KIF16B: variants seen among roughly 807,000 people sequenced by gnomAD.
KIF16B encodes kinesin-like protein KIF16B.
Under a neutral mutation model 156.3 loss-of-function variants are expected in KIF16B, and 98 were observed. The ratio of observed to expected loss-of-function variants is 0.63; its 90% CI spans 0.53 to 0.74. The LOEUF (loss-of-function observed/expected upper bound fraction) is 0.74. KIF16B is among the 30% of genes least tolerant of loss of function. The pLI is 0.00. For synonymous variants in KIF16B, 564 were observed against 583.7 expected (o/e 0.97, Z 0.49); for missense variants, 1,421 against 1,606.5 (o/e 0.88, Z 1.97).
chr20:16,559,494 A>C (rs1207324238), intron 1 of KIF16B, among the ~76,000 whole-genome samples: 2 of 152,184 alleles, frequency 1.3e-5, no homozygotes, highest in Non-Finnish European at 2.9e-5. Context: ...AACAACAACA[A>C]AGACTGTTTA....
intron 15 of KIF16B, among the ~76,000 whole-genome samples, chr20:16,425,090 T>A (rs960041981): frequency 1.3e-5 from 2 of 152,138 alleles, no homozygotes; most frequent in African/African-American, 4.8e-5. Flanking sequence ...GACACTCCAG[T>A]AGCAATGAAC....
chr20:16,301,587 C>G (rs147226806), intron 25 of KIF16B, among the ~76,000 whole-genome samples: 2 of 152,086 alleles, frequency 1.3e-5, no homozygotes, highest in Admixed American at 1.3e-4. Context: ...TGTTATTGAG[C>G]CTCTTTTCAT....
chr20:16,469,143 T>C (rs1243672419), intron 12 of KIF16B, among the ~76,000 whole-genome samples: 2 of 151,402 alleles, frequency 1.3e-5, no homozygotes, highest in Non-Finnish European at 2.9e-5. Context: ...TACCAGCTAC[T>C]TGGGAAGCTG....
chr20:16,374,280 GT>G lies in KIF16B; in HGVS notation c.3326del (p.His1109ProfsTer28). On this transcript the variant is annotated frameshift_variant, in exon 20 of 26. Coordinates refer to ENST00000354981, the MANE Select transcript of KIF16B (RefSeq NM_024704.5). LOFTEE classifies it high-confidence loss of function. ...ACCTGGCATCCATGAGGGGAACCAG[GT>G]GTGATTTTTCAGCACTGACTGGCAA... is the stretch of plus-strand genomic sequence containing the variant. ...SSLPVSAEKS[H>X]LVPLMDARIN... is the part of the protein sequence containing the mutation. The G allele has an allele frequency of 1.1e-5, 17 of 1,596,826 alleles. No individual in the cohort carries two copies. Among genetic ancestry groups the G allele is most frequent in the Non-Finnish European group, 1.4e-5 (16 of 1,169,906 alleles).
At chr20:16,308,358 T>G (rs1340061887) in intron 25 of KIF16B, among the ~76,000 whole-genome samples, 12 of 152,252 alleles carry the variant, frequency 7.9e-5, no homozygotes, top group African/African-American at 2.9e-4. Context: ...ATAACTGGAA[T>G]GGCATTTAAG....
intron 1 of KIF16B, among the ~76,000 whole-genome samples, chr20:16,531,724 A>T (rs898775610): frequency 6.6e-6 from 1 of 152,230 alleles, no homozygotes; most frequent in Non-Finnish European, 1.5e-5. Flanking sequence ...CAAAGAATAT[A>T]ACGATGAAAG....
chr20:16,504,125 A>C (rs1395955333), intron 10 of KIF16B, among the ~76,000 whole-genome samples: 2 of 152,212 alleles, frequency 1.3e-5, no homozygotes, highest in Non-Finnish European at 2.9e-5. Context: ...TCCATTCATA[A>C]TTGATAACTA....
At chr20:16,556,533 A>C (rs2070855761) in intron 1 of KIF16B, among the ~76,000 whole-genome samples, 1 of 152,196 alleles carries the variant, frequency 6.6e-6, no homozygotes, top group East Asian at 1.9e-4. Context: ...TCTGTTCTCC[A>C]TTAGCAGCAC....
intron 17 of KIF16B, among the ~76,000 whole-genome samples, chr20:16,389,287 G>C (rs2065305599): frequency 1.3e-5 from 2 of 152,132 alleles, no homozygotes; most frequent in African/African-American, 4.8e-5. Flanking sequence ...TGGCCATCTT[G>C]AAATTCTTAA....
chr20:16,336,711 C>T (rs903229484), intron 23 of KIF16B, among the ~76,000 whole-genome samples: 7 of 152,200 alleles, frequency 4.6e-5, no homozygotes, highest in Non-Finnish European at 1.0e-4. Context: ...TGGTATTCTC[C>T]ATTTCAAAGC....
intron 19 of KIF16B, among the ~76,000 whole-genome samples, chr20:16,374,799 C>A (rs1266541491): frequency 6.6e-6 from 1 of 152,152 alleles, no homozygotes; most frequent in Non-Finnish European, 1.5e-5. Flanking sequence ...TGAAAAAGAT[C>A]TATGTTTTAA....
At chr20:16,374,208 C>CT (rs1193890320) in intron 20 of KIF16B, 49 bp downstream of exon 20, 19 of 1,475,096 alleles carry the variant, frequency 1.3e-5, no homozygotes, top group Non-Finnish European at 1.7e-5. Context: ...ACAATGAGTC[C>CT]TTGAGTCACA....
chr20:16,529,173 G>C (rs1354390168), intron 1 of KIF16B, among the ~76,000 whole-genome samples: 6 of 140,022 alleles, frequency 4.3e-5, no homozygotes, highest in African/African-American at 1.2e-4. Flanking sequence ...TTTTCAAAAG[G>C]CTACCTAGGA....
chr20:16,554,545 T>C (rs542290053), intron 1 of KIF16B, among the ~76,000 whole-genome samples: 10 of 152,324 alleles, frequency 6.6e-5, no homozygotes, highest in African/African-American at 2.4e-4. Flanking sequence ...CACTTTCCCA[T>C]GTACCTTATT....
chr20:16,530,320 T>C (rs1273509196), intron 1 of KIF16B, among the ~76,000 whole-genome samples: 1 of 152,156 alleles, frequency 6.6e-6, no homozygotes, highest in African/African-American at 2.4e-5. Flanking sequence ...TTCTAATGAC[T>C]ACAACACAAA....
intron 19 of KIF16B, among the ~76,000 whole-genome samples, chr20:16,376,915 C>T (rs1483328577): frequency 6.6e-6 from 1 of 152,194 alleles, no homozygotes; most frequent in East Asian, 1.9e-4. Context: ...AAACCTCCAA[C>T]CTATTTCTCT....
At chr20:16,527,246 C>T (rs1452441703) in intron 2 of KIF16B, among the ~76,000 whole-genome samples, 1 of 152,232 alleles carries the variant, frequency 6.6e-6, no homozygotes, top group African/African-American at 2.4e-5. Context: ...GGAAGAAAGG[C>T]ATCCAGTGGA....
rs1204335557 is a variant in KIF16B, at chr20:16,379,847, CGTT to C, written c.2152_2154del (p.Asn718del). ...AATATCTGAAACTTCTCAGCCTTCT[CGTT>C]GTTGTTGAGTTCTTTGAGTCGTTGG... On this transcript the variant is annotated inframe_deletion, in exon 19 of 26. Transcript: ENST00000354981. 9.3e-6 allele frequency: 15 copies of C among 1,614,066 alleles called. No individual in the cohort carries two copies. The highest frequency in any genetic ancestry group is 3.3e-5 in the South Asian group (3 of 91,080).
chr20:16,281,326 T>C (rs1272148781), intron 25 of KIF16B, among the ~76,000 whole-genome samples: 2 of 152,112 alleles, frequency 1.3e-5, no homozygotes, highest in Non-Finnish European at 2.9e-5. Flanking sequence ...CAAGTATCAG[T>C]CTAGTAAGAC....
Sources: gnomAD v4.1 joint callset for allele counts (sites outside exome capture counted in the v4.1 genomes callset) on GRCh38, gnomAD v4.1.1 for gene constraint, MANE v1.5 for transcripts, NCBI Gene and HGNC (gene_info 2026-07-23, HGNC 2026-07-21) for gene names.